The following SIPA1L3 variants were observed in gnomAD, a reference collection of about 807,000 sequenced individuals.
SIPA1L3 encodes the protein signal-induced proliferation-associated 1-like protein 3.
SIPA1L3 carries 59 observed loss-of-function variants against 150.1 expected under a neutral mutation model. The ratio of observed to expected loss-of-function variants is 0.39; its 90% CI spans 0.32 to 0.49. SIPA1L3 has a LOEUF of 0.49. SIPA1L3 is among the 20% of genes least tolerant of loss of function. SIPA1L3 has a pLI of 0.86. For synonymous variants in SIPA1L3, 1,070 were observed against 1,077.6 expected (o/e 0.99, Z 0.14); for missense variants, 2,211 against 2,489.5 (o/e 0.89, Z 2.38).
intron 19 of SIPA1L3, chr19:38,200,854 GA>G (rs1973072704): frequency 6.6e-6 from 1 of 151,926 alleles, no homozygotes; most frequent in Non-Finnish European, 1.5e-5. Flanking sequence ...TTGAACCCGG[GA>G]GGCGGAAGTT....
chr19:37,933,412 C>T (rs1022138122), intron 1 of SIPA1L3, among the ~76,000 whole-genome samples: 1 of 152,122 alleles, frequency 6.6e-6, no homozygotes, highest in African/African-American at 2.4e-5. Context: ...TTACTCTTTG[C>T]TTTATTTTTC....
chr19:37,930,680 T>G (rs2046545706), intron 1 of SIPA1L3, among the ~76,000 whole-genome samples: 1 of 152,150 alleles, frequency 6.6e-6, no homozygotes, highest in African/African-American at 2.4e-5. Flanking sequence ...TTGATCCATC[T>G]TGGGCTCCCT....
intron 8 of SIPA1L3, among the ~76,000 whole-genome samples, chr19:38,116,618 C>T (rs1483519420): frequency 1.3e-5 from 2 of 151,598 alleles, no homozygotes; most frequent in South Asian, 2.1e-4. Context: ...GAGGCCAAGG[C>T]GGGCAGATCA....
At chr19:38,201,341 G>T (rs1232514523) in intron 19 of SIPA1L3, among the ~76,000 whole-genome samples, 1 of 152,256 alleles carries the variant, frequency 6.6e-6, no homozygotes, top group Non-Finnish European at 1.5e-5. Context: ...TTCACTGGCA[G>T]CCCCGTGCGA....
At chr19:37,973,312 C>G (rs1568484846) in intron 1 of SIPA1L3, among the ~76,000 whole-genome samples, 1 of 149,038 alleles carries the variant, frequency 6.7e-6, no homozygotes, top group East Asian at 2.0e-4. Context: ...TCTTGGCTCA[C>G]TGCAACCTCC....
At chr19:38,017,721 G>A (rs1008121509) in intron 1 of SIPA1L3, among the ~76,000 whole-genome samples, 1 of 151,884 alleles carries the variant, frequency 6.6e-6, no homozygotes, top group Non-Finnish European at 1.5e-5. Context: ...TGTAGAGACA[G>A]GGTCTTGCAG....
At chr19:38,060,568 C>T (rs1969424524) in intron 2 of SIPA1L3, among the ~76,000 whole-genome samples, 2 of 152,232 alleles carry the variant, frequency 1.3e-5, no homozygotes, top group African/African-American at 2.4e-5. Context: ...AGATGGCACA[C>T]ACCGTCGCTC....
chr19:37,969,760 T>C (rs1568483604), intron 1 of SIPA1L3, among the ~76,000 whole-genome samples: 1 of 152,178 alleles, frequency 6.6e-6, no homozygotes. Context: ...GCTTGTCTTC[T>C]AGCCTTCTCG....
chr19:38,046,105 G>A lies in SIPA1L3; in HGVS notation c.-311+16949G>A, dbSNP rs111342217. 2.6e-3 allele frequency among the ~76,000 whole-genome samples: 400 copies of A among 152,210 alleles called. 4 individuals are homozygous for A. Among genetic ancestry groups the A allele is most frequent in the African/African-American group, 9.4e-3 (389 of 41,536 alleles). ...CTGTGATTCCTTGAAGCTTTTTGCCGTCATCTGGCCACTCAGTCGGCGGGG... is the reference window on the plus strand; with the variant it reads ...CTGTGATTCCTTGAAGCTTTTTGCCATCATCTGGCCACTCAGTCGGCGGGG... On this transcript the variant is annotated intron_variant, in intron 2 of 21. Transcript: ENST00000222345. This position sits in a 1 kb window ranked among gnomAD's most constrained non-coding sequence, Gnocchi z 5.6.
intron 4 of SIPA1L3, among the ~76,000 whole-genome samples, chr19:38,098,875 T>C (rs1253970371): frequency 1.3e-5 from 2 of 152,344 alleles, no homozygotes; most frequent in East Asian, 3.9e-4. Context: ...GGATTAAAAA[T>C]ATGCCATGTA....
chr19:37,968,088 T>TCTTTC (rs56758408), intron 1 of SIPA1L3, among the ~76,000 whole-genome samples: 8 of 151,600 alleles, frequency 5.3e-5, no homozygotes, highest in South Asian at 4.2e-4. Flanking sequence ...TTTCTTTCTT[T>TCTTTC]TTTTGAGACA....
chr19:37,981,693 C>G (rs535956044), intron 1 of SIPA1L3, among the ~76,000 whole-genome samples: 40 of 152,262 alleles, frequency 2.6e-4, no homozygotes, highest in Admixed American at 1.4e-3. Context: ...CAGTGCCCTT[C>G]GTTAGCTGTA....
chr19:38,101,132 G>C lies in SIPA1L3; in HGVS notation c.1935G>C (p.Glu645Asp). 2.5e-6 allele frequency: 4 copies of C among 1,609,620 alleles called. No homozygotes were observed. The highest frequency in any genetic ancestry group is 8.5e-7 in the Non-Finnish European group (1 of 1,178,676). Residue 645 changes from glutamate to aspartate, a missense_variant, in exon 6 of 22, where the codon GAG becomes GAC. Glu to Asp is a conservative substitution (Grantham distance 45). Around this residue, in one of 5 missense-constraint regions of SIPA1L3, gnomAD observed 625 missense variants for 804.2 expected, o/e 0.78. Transcript: ENST00000222345. ...AGGAGGAGATGTACAACAATGAGGA[G>C]GCCGGCCCCGCCTTTGAGGAGTTCC... is the stretch of plus-strand genomic sequence containing the variant. ...SSEEEMYNNE[E>D]AGPAFEEFLS... is the part of the protein sequence containing the mutation.
At chr19:38,086,405 G>A (rs1970132931) in intron 3 of SIPA1L3, among the ~76,000 whole-genome samples, 1 of 152,114 alleles carries the variant, frequency 6.6e-6, no homozygotes, top group African/African-American at 2.4e-5. Context: ...AAACGTTCTG[G>A]CCAAGCACAA....
chr19:37,952,917 A>G (rs962912903), intron 1 of SIPA1L3, among the ~76,000 whole-genome samples: 7 of 152,000 alleles, frequency 4.6e-5, no homozygotes, highest in African/African-American at 1.7e-4. Flanking sequence ...GATTGCATAC[A>G]CTTCAGAGTG....
chr19:38,154,554 TCTC>T (rs1189406580), intron 13 of SIPA1L3, among the ~76,000 whole-genome samples: 4 of 152,100 alleles, frequency 2.6e-5, no homozygotes, highest in African/African-American at 9.7e-5. Flanking sequence ...TTCAAACAAT[TCTC>T]CTGCTTCAGC....
In SIPA1L3 at chr19:38,089,436, A is replaced by G. The variant is rs145430081; in HGVS notation, c.1665+585A>G. Among the ~76,000 whole-genome samples, 27 of 152,332 alleles carry G rather than the reference A, an allele frequency of 1.8e-4. No individual in the cohort carries two copies. In the East Asian group the frequency reaches 5.2e-3, roughly 29 times the overall value. On this transcript the variant is annotated intron_variant, in intron 4 of 21. Coordinates refer to ENST00000222345, the MANE Select transcript of SIPA1L3 (RefSeq NM_015073.3). ...CCAGGGTGTCTGACTTCAGAGCCCA[A>G]CATTACAAAACCTGTTTGCAAGAGA...
rs75478393 is a variant in SIPA1L3, at chr19:37,989,412, G to A, written c.-378-39677G>A. ...TTTTTAAAAAATATTTAGTAGAGAC[G>A]GGGATCTCACTGTGTTGCCCAGGCT... On this transcript the variant is annotated intron_variant, in intron 1 of 21. Coordinates refer to ENST00000222345, the MANE Select transcript of SIPA1L3 (RefSeq NM_015073.3). Among the ~76,000 whole-genome samples, 150 of 152,100 alleles carry A rather than the reference G, an allele frequency of 9.9e-4. 2 individuals are homozygous for A. In the East Asian group the frequency reaches 0.02, roughly 20 times the overall value.
intron 2 of SIPA1L3, among the ~76,000 whole-genome samples, chr19:38,057,323 T>G (rs576515704): frequency 6.7e-6 from 1 of 149,658 alleles, no homozygotes; most frequent in Admixed American, 6.7e-5. Context: ...TATACATATA[T>G]ACACACACAC....
Sources: allele counts gnomAD v4.1 joint callset (sites outside exome capture counted in the v4.1 genomes callset), GRCh38; gene constraint gnomAD v4.1.1; regional missense constraint gnomAD v4.1.1; non-coding constraint Gnocchi (gnomAD v3.1); transcripts MANE v1.5; gene names NCBI Gene and HGNC (gene_info 2026-07-23, HGNC 2026-07-21).